The following PREX1 variants were observed in gnomAD, a reference collection of about 807,000 sequenced individuals.
PREX1 encodes the protein phosphatidylinositol-3,4,5-trisphosphate dependent Rac exchange factor 1.
A neutral mutation model predicts 198.3 loss-of-function variants in PREX1; 41 were observed. The observed-to-expected ratio is 0.21, with a 90% confidence interval of 0.16 to 0.27. The LOEUF (loss-of-function observed/expected upper bound fraction) is 0.27. PREX1 is among the 10% of genes least tolerant of loss of function. The pLI is 1.00. For synonymous variants in PREX1, 843 were observed against 887.2 expected, an observed-to-expected ratio of 0.95 and a Z score of 0.89; for missense variants, 1,620 against 2,200.7, an observed-to-expected ratio of 0.74 and a Z score of 5.28.
At chr20:48,648,505 G>A (rs1277285141) in intron 25 of PREX1, among the ~76,000 whole-genome samples, 1 of 152,162 alleles carries the variant, frequency 6.6e-6, no homozygotes, top group East Asian at 1.9e-4. Context: ...AGTGTCAAGG[G>A]TGAGAGACAC....
chr20:48,719,430 C>T (rs1009907340), intron 5 of PREX1, among the ~76,000 whole-genome samples: 1 of 151,964 alleles, frequency 6.6e-6, no homozygotes, highest in Non-Finnish European at 1.5e-5. Flanking sequence ...TGGTGCTCGG[C>T]CCGAGAGACA....
At chr20:48,749,613 G>A (rs1568849900) in intron 1 of PREX1, among the ~76,000 whole-genome samples, 1 of 152,148 alleles carries the variant, frequency 6.6e-6, no homozygotes, top group Non-Finnish European at 1.5e-5. Flanking sequence ...GCCTGCCCCC[G>A]GGAGCCCGGC....
the PREX1 span, among the ~76,000 whole-genome samples, chr20:48,839,419 G>A: frequency 6.6e-6 from 1 of 152,178 alleles, no homozygotes; most frequent in Non-Finnish European, 1.5e-5. Context: ...TATTCAAACA[G>A]GCATAGTAGA....
Position 48,658,139 on chromosome 20 carries a change from A to G in PREX1, c.1971T>C (p.Ala657=). The change falls in exon 17 of 40, where the codon GCT becomes GCC. Residue 657 remains alanine (A), a synonymous_variant. Transcript: ENST00000371941. ...CCAGCTCCCCCGAGGGCCTCACCTC[A>G]GCCAGCGAGCCCCTCTGGACGGACT... The part of the protein sequence containing the change: ...VVKSVQRGSL[A]EVAGLQVGRK... 1 of 1,613,290 alleles carries G rather than the reference A, an allele frequency of 6.2e-7. No individual in the cohort carries two copies. Among genetic ancestry groups the G allele is most frequent in the Non-Finnish European group, 8.5e-7 (1 of 1,179,522 alleles).
intron 15 of PREX1, among the ~76,000 whole-genome samples, chr20:48,664,927 C>T (rs775602340): frequency 0.018 from 2,113 of 118,280 alleles, no homozygotes; most frequent in Middle Eastern, 0.06. Context: ...ATTCTAATCC[C>T]GACTCCAGAC....
chr20:48,850,145 G>A, the PREX1 span, among the ~76,000 whole-genome samples: 2 of 152,190 alleles, frequency 1.3e-5, no homozygotes, highest in African/African-American at 4.8e-5. Flanking sequence ...AACAACCAAA[G>A]GGTGTTTGCC....
chr20:48,796,025 G>C (rs751944098), intron 1 of PREX1, among the ~76,000 whole-genome samples: 1 of 152,182 alleles, frequency 6.6e-6, no homozygotes, highest in Non-Finnish European at 1.5e-5. Flanking sequence ...CTATTAACAA[G>C]AGCAACTGGG....
rs548493482 is a variant in PREX1 at position 48,653,373 on chromosome 20, G to A, written c.2334C>T (p.Arg778=). The stretch of plus-strand genomic sequence containing the variant: ...CCAGTAAACTTACCAGGGCCTCTTC[G>A]CGCCGACTCCGGAATGCCTGGAAGT... ...LEHFQAFRSR[R]EEALGLYQWI... is the part of the protein sequence containing the mutation. The change falls in exon 20 of 40, where the codon CGC becomes CGT. Residue 778 remains arginine, a synonymous_variant. Coordinates refer to ENST00000371941, the MANE Select transcript of PREX1 (RefSeq NM_020820.4). The A allele has an allele frequency of 6.2e-6, 10 of 1,613,314 alleles. No homozygotes were observed. Among genetic ancestry groups the A allele is most frequent in the Middle Eastern group, 1.7e-4 (1 of 6,060 alleles).
At position 48,669,126 on chromosome 20, in the gene PREX1, G is replaced by A. The variant is rs953522113; in HGVS notation, c.1666-2771C>T. ...ACACGAGACCCCTGCAACCTCCCCC[G>A]CCATGCTTCCCTGCCTTGACTCCCC... is the stretch of plus-strand genomic sequence containing the variant. On this transcript the variant is annotated intron_variant, in intron 14 of 39. Transcript: ENST00000371941. 7.2e-5 allele frequency among the ~76,000 whole-genome samples: 10 copies of A among 139,462 alleles called. No individual in the cohort carries two copies. The East Asian group carries it at 8.2e-4, about 11-fold the overall frequency. The allele number at this position is 139,462 out of a possible 152,430, so 91.5% of individuals were successfully genotyped here.
intron 7 of PREX1, among the ~76,000 whole-genome samples, chr20:48,696,626 TACATACATACATACAC>T (rs1051313022): frequency 2.0e-5 from 3 of 151,514 alleles, no homozygotes; most frequent in Admixed American, 2.0e-4. Flanking sequence ...CATACATACA[TACATACATACATACAC>T]ACATACACAC....
the PREX1 span, among the ~76,000 whole-genome samples, chr20:48,850,279 C>T: frequency 1.3e-5 from 2 of 152,108 alleles, no homozygotes; most frequent in Non-Finnish European, 2.9e-5. Flanking sequence ...CCGGGGCAAG[C>T]GGAGGGCCGA....
Position 48,634,720 on chromosome 20 carries a change from T to C in PREX1, c.4223A>G (p.Asn1408Ser). 1 of 1,614,190 alleles carries C rather than the reference T, an allele frequency of 6.2e-7. No individual in the cohort carries two copies. Among genetic ancestry groups the C allele is most frequent in the Non-Finnish European group, 8.5e-7 (1 of 1,180,026 alleles). Residue 1408 changes from asparagine (N) to serine (S), a missense_variant, in exon 33 of 40, where the codon AAT becomes AGT. Asn to Ser is a conservative substitution (Grantham distance 46). Transcript: ENST00000371941. ...DIWVTLSELD[N>S]VTFSFKQLDE... ...CAGCTGCTTAAAGGAGAAGGTGACATTGTCCAGCTCTGACAGCGTCACCCA... is the reference window on the plus strand; with the variant it reads ...CAGCTGCTTAAAGGAGAAGGTGACACTGTCCAGCTCTGACAGCGTCACCCA...
rs142804828 is a variant in PREX1 at position 48,642,759 on chromosome 20, G to A, written c.3602-270C>T. ...GTTTCCATTCTGCAAATGAGGGACT[G>A]AGGAACAGAGAAAAGGACCTGGAGG... is the stretch of plus-strand genomic sequence containing the variant. On this transcript the variant is annotated intron_variant, in intron 27 of 39. Transcript: ENST00000371941. 7.5e-5 allele frequency: 26 copies of A among 347,802 alleles called. No homozygotes were observed. The South Asian group carries it at 1.6e-3, about 22-fold the overall frequency. 21.5% of individuals were successfully genotyped at this position (347,802 alleles called of 1,614,324 possible).
At chr20:48,742,528 G>A (rs1358941023) in intron 3 of PREX1, among the ~76,000 whole-genome samples, 3 of 152,118 alleles carry the variant, frequency 2.0e-5, no homozygotes, top group African/African-American at 7.2e-5. Flanking sequence ...CCCAGGCCCA[G>A]GGAGGATGCC....
chr20:48,705,046 C>T (rs2089896565), intron 6 of PREX1, among the ~76,000 whole-genome samples: 1 of 152,216 alleles, frequency 6.6e-6, no homozygotes, highest in South Asian at 2.1e-4. Context: ...CACTTTGCTG[C>T]CAGGGCTCCT....
intron 5 of PREX1, among the ~76,000 whole-genome samples, chr20:48,722,901 C>A (rs531838655): frequency 1.9e-4 from 29 of 152,386 alleles, no homozygotes; most frequent in Admixed American, 1.5e-3. Flanking sequence ...CAGATGTGTG[C>A]ATCACCAGGA....
chr20:48,688,033 C>A (rs2089795454), intron 10 of PREX1, among the ~76,000 whole-genome samples: 1 of 151,994 alleles, frequency 6.6e-6, no homozygotes. Flanking sequence ...TGAAGCAATA[C>A]ATTTCTGTTG....
At chr20:48,640,768 T>A (rs2122856704) in intron 29 of PREX1, among the ~76,000 whole-genome samples, 1 of 151,864 alleles carries the variant, frequency 6.6e-6, no homozygotes, top group South Asian at 2.1e-4. Context: ...AGATGATGAA[T>A]GAATGGGTAG....
intron 2 of PREX1, 80 bp from the exon 3 acceptor site, chr20:48,745,227 T>G (rs1317235660): frequency 6.8e-7 from 1 of 1,461,892 alleles, no homozygotes; most frequent in Non-Finnish European, 9.3e-7. Flanking sequence ...AATACAAACC[T>G]CGGTGCGGGT....
Sources: gnomAD v4.1 joint callset for allele counts (sites outside exome capture counted in the v4.1 genomes callset) on GRCh38, gnomAD v4.1.1 for gene constraint, MANE v1.5 for transcripts, NCBI Gene and HGNC (gene_info 2026-07-23, HGNC 2026-07-21) for gene names.